The following PPP2R2B variants were observed in gnomAD, a reference collection of about 807,000 sequenced individuals.
PPP2R2B encodes the protein protein phosphatase 2 regulatory subunit Bbeta, also known as serine/threonine-protein phosphatase 2A 55 kDa regulatory subunit B beta isoform.
PPP2R2B carries 5 observed loss-of-function variants against 46.0 expected under a neutral mutation model. That is an observed-to-expected ratio of 0.11 (90% CI 0.06 to 0.23). The LOEUF (loss-of-function observed/expected upper bound fraction) is 0.23, where lower values mean the gene tolerates loss of function less well. Among genes scored for constraint, PPP2R2B ranks in the 10% least tolerant of loss-of-function variants. The pLI is 1.00. For synonymous variants in PPP2R2B, 215 were observed against 206.7 expected, an observed-to-expected ratio of 1.04 and a Z score of -0.34; for missense variants, 367 against 575.0, an observed-to-expected ratio of 0.64 and a Z score of 3.70.
At chr5:146,798,568 C>T (rs909278055) in intron 2 of PPP2R2B, among the ~76,000 whole-genome samples, 2 of 152,146 alleles carry the variant, frequency 1.3e-5, no homozygotes, top group African/African-American at 4.8e-5. Context: ...ATTATAAGTA[C>T]TTTACAAAAA....
rs1269356078 is a variant in PPP2R2B, at chr5:146,586,026, C to T, written c.*3921G>A. 6.6e-6 allele frequency: 1 copy of T among 152,124 alleles called. No homozygotes were observed. Among genetic ancestry groups the T allele is most frequent in the East Asian group, 1.9e-4 (1 of 5,182 alleles). 9.4% of individuals were successfully genotyped at this position (152,124 alleles called of 1,614,324 possible). On this transcript the variant is annotated 3_prime_UTR_variant, in exon 10 of 10. Transcript: ENST00000394411. ...GTCCCTGAGAGTTGACTTAGAAGTT[C>T]AGGGGGAAGAGGTGGATGAAGGCAT...
rs111941981 is a variant in PPP2R2B, at chr5:146,624,417, C to CT, written c.790+13833dup. Among the ~76,000 whole-genome samples the CT allele has an allele frequency of 2.5e-3, 379 of 152,092 alleles. 5 individuals are homozygous for CT. The highest frequency in any genetic ancestry group is 0.011 in the South Asian group (52 of 4,822). On this transcript the variant is annotated intron_variant, in intron 7 of 9. Transcript: ENST00000394411. ...CTTTCCTTTACTTCACCCTCTACAT[C>CT]TTTTTTTTAAAAAAACAGTTCTATT...
At chr5:146,772,227 G>A (rs527264120) in intron 2 of PPP2R2B, among the ~76,000 whole-genome samples, 7 of 152,034 alleles carry the variant, frequency 4.6e-5, no homozygotes, top group African/African-American at 1.7e-4. Context: ...CCCTAAAACA[G>A]CAAACATTTA....
chr5:146,960,488 C>T (rs1447657583), intron 1 of PPP2R2B, among the ~76,000 whole-genome samples: 3 of 152,132 alleles, frequency 2.0e-5, no homozygotes, highest in South Asian at 4.2e-4. Context: ...GCGGGTTTCA[C>T]CATGTTGGTC....
rs1752568265 is a variant in PPP2R2B at position 146,736,864 on chromosome 5, CTATAACATACA to C, written c.71-35733_71-35723del. Among the ~76,000 whole-genome samples the C allele has an allele frequency of 3.3e-5, 5 of 152,122 alleles. No individual in the cohort carries two copies. In the East Asian group the frequency reaches 9.7e-4, roughly 29 times the overall value. On this transcript the variant is annotated intron_variant, in intron 2 of 9. Coordinates refer to ENST00000394411, the MANE Select transcript of PPP2R2B (RefSeq NM_181675.4). ...ATCTCTAGTTGGTTCTTTTTAGAAC[CTATAACATACA>C]TTTACTCTCTAACCCAGGACTGTTC...
At chr5:146,974,938 C>T (rs1582528705) in intron 1 of PPP2R2B, among the ~76,000 whole-genome samples, 1 of 152,112 alleles carries the variant, frequency 6.6e-6, no homozygotes, top group Admixed American at 6.5e-5. Flanking sequence ...ATCCGCCCAC[C>T]TCTGCCTCCC....
chr5:146,651,656 C>A (rs1301434376), intron 5 of PPP2R2B, among the ~76,000 whole-genome samples: 2 of 152,004 alleles, frequency 1.3e-5, no homozygotes, highest in Non-Finnish European at 2.9e-5. Flanking sequence ...CAGACAAAAC[C>A]CCACAACACA....
At chr5:146,984,623 G>A (rs1753336984) in intron 1 of PPP2R2B, among the ~76,000 whole-genome samples, 1 of 152,086 alleles carries the variant, frequency 6.6e-6, no homozygotes, top group South Asian at 2.1e-4. Context: ...TGAATCATAT[G>A]GTAGTTCTGT....
chr5:146,670,109 A>T (rs1777251110), intron 5 of PPP2R2B, among the ~76,000 whole-genome samples: 1 of 152,254 alleles, frequency 6.6e-6, no homozygotes, highest in Non-Finnish European at 1.5e-5. Flanking sequence ...GCAAAAACTC[A>T]GTGAACACAG....
chr5:146,696,395 C>T (rs1022263629), intron 4 of PPP2R2B, among the ~76,000 whole-genome samples: 5 of 152,160 alleles, frequency 3.3e-5, no homozygotes, highest in Non-Finnish European at 5.9e-5. Flanking sequence ...TGAGCCACCG[C>T]GCCTGGCCAA....
At chr5:146,923,745 T>C (rs929070797) in intron 1 of PPP2R2B, among the ~76,000 whole-genome samples, 3 of 152,164 alleles carry the variant, frequency 2.0e-5, no homozygotes. Flanking sequence ...ATATACATCA[T>C]TCTATCATAA....
At chr5:146,981,456 TTG>T (rs1175239415) in intron 1 of PPP2R2B, among the ~76,000 whole-genome samples, 1 of 152,194 alleles carries the variant, frequency 6.6e-6, no homozygotes, top group African/African-American at 2.4e-5. Flanking sequence ...GAGAATTCGG[TTG>T]TGAGTCTGAT....
intron 2 of PPP2R2B, among the ~76,000 whole-genome samples, chr5:146,809,300 TTAA>T (rs1302195239): frequency 3.9e-5 from 6 of 152,316 alleles, no homozygotes; most frequent in Admixed American, 1.3e-4. Flanking sequence ...CTGACAGGTA[TTAA>T]TAAATAATAG....
At chr5:146,711,811 T>A (rs1289713337) in intron 2 of PPP2R2B, among the ~76,000 whole-genome samples, 2 of 152,170 alleles carry the variant, frequency 1.3e-5, no homozygotes, top group Non-Finnish European at 2.9e-5. Flanking sequence ...GAGGTTGGGA[T>A]ACAAGTACAA....
intron 2 of PPP2R2B, among the ~76,000 whole-genome samples, chr5:146,773,094 G>C (rs564941908): frequency 1.4e-4 from 21 of 152,280 alleles, no homozygotes; most frequent in African/African-American, 5.1e-4. Context: ...CCCTGTAATA[G>C]TGAAGATAAA....
At chr5:147,053,821 T>C (rs1480154) in intron 1 of PPP2R2B, among the ~76,000 whole-genome samples, 98,220 of 152,078 alleles carry the variant, frequency 0.65, 33,556 homozygotes, top group South Asian at 0.77. Flanking sequence ...ATCCTTGTTA[T>C]AGATAAAACT....
chr5:147,023,270 A>C (rs1755372442), intron 1 of PPP2R2B, among the ~76,000 whole-genome samples: 1 of 152,186 alleles, frequency 6.6e-6, no homozygotes, highest in African/African-American at 2.4e-5. Context: ...AAACCAAAAC[A>C]AAGAGGTATA....
At chr5:146,592,837 C>T (rs1012829003) in intron 9 of PPP2R2B, 134 bp downstream of exon 9, 2 of 764,768 alleles carry the variant, frequency 2.6e-6, no homozygotes, top group Admixed American at 2.1e-5. Flanking sequence ...CACTAGGGGC[C>T]CACATTATGC....
intron 1 of PPP2R2B, among the ~76,000 whole-genome samples, chr5:146,994,741 T>A (rs1258164994): frequency 6.6e-6 from 1 of 152,182 alleles, no homozygotes; most frequent in Non-Finnish European, 1.5e-5. Context: ...CAGGCATGCA[T>A]GTGAATGGTG....
Sources: gnomAD v4.1 joint callset for allele counts (sites outside exome capture counted in the v4.1 genomes callset) on GRCh38, gnomAD v4.1.1 for gene constraint, MANE v1.5 for transcripts, NCBI Gene and HGNC (gene_info 2026-07-23, HGNC 2026-07-21) for gene names.